SOBP: variants seen among roughly 807,000 people sequenced by gnomAD.
SOBP encodes sine oculis-binding protein homolog.
In SOBP, 4 loss-of-function variants were observed where a neutral mutation model predicts 53.6. That is an observed-to-expected ratio of 0.07 (90% CI 0.04 to 0.17). SOBP has a LOEUF of 0.17. Among genes scored for constraint, SOBP ranks in the 10% least tolerant of loss-of-function variants. The pLI, the probability that SOBP is intolerant of heterozygous loss-of-function variation, is 1.00. For missense variants in SOBP, 1,088 were observed against 1,204.7 expected, an observed-to-expected ratio of 0.90 and a Z score of 1.43; for synonymous variants, 584 against 522.6, an observed-to-expected ratio of 1.12 and a Z score of -1.60.
At chr6:107,639,763 T>C (rs1771227230) in intron 6 of SOBP, among the ~76,000 whole-genome samples, 1 of 152,218 alleles carries the variant, frequency 6.6e-6, no homozygotes, top group Non-Finnish European at 1.5e-5. Flanking sequence ...CATTTGCAAA[T>C]GTTTGAAGAT....
In SOBP at chr6:107,633,708, A is replaced by G; in HGVS notation, c.864A>G (p.Glu288=). Residue 288 remains glutamate, a synonymous_variant, in exon 6 of 7, where the codon GAA becomes GAG. Coordinates refer to ENST00000317357, the MANE Select transcript of SOBP (RefSeq NM_018013.4). ...TLHPPMENKA[E]GTGVQLLTPD... ...ACCCTCCCATGGAAAATAAAGCAGA[A>G]GGCACCGGGGTGCAGCTGCTCACTC... The G allele has an allele frequency of 6.2e-7, 1 of 1,614,224 alleles. No individual in the cohort carries two copies. The highest frequency in any genetic ancestry group is 8.5e-7 in the Non-Finnish European group (1 of 1,180,034).
At position 107,584,118 on chromosome 6, in the gene SOBP, C is replaced by T. The variant is rs531095054; in HGVS notation, c.574-2962C>T. On this transcript the variant is annotated intron_variant, in intron 4 of 6. Transcript: ENST00000317357. ...AGGGCCTCCCCTTGATAGCTGTAGGCACTCTCCTTAGATCGGCAGTTCTCG... is the reference window on the plus strand; with the variant it reads ...AGGGCCTCCCCTTGATAGCTGTAGGTACTCTCCTTAGATCGGCAGTTCTCG... Among the ~76,000 whole-genome samples, 15 of 152,224 alleles carry T rather than the reference C, an allele frequency of 9.9e-5. 1 individual carries two copies. The South Asian group carries it at 2.9e-3, about 29-fold the overall frequency.
chr6:107,542,798 G>A (rs113790101), intron 4 of SOBP, among the ~76,000 whole-genome samples: 56 of 152,024 alleles, frequency 3.7e-4, no homozygotes, highest in African/African-American at 1.3e-3. Flanking sequence ...GGGAGGAAAG[G>A]CACCAGGGAG....
intron 3 of SOBP, among the ~76,000 whole-genome samples, chr6:107,512,253 A>G (rs1783191584): frequency 6.6e-6 from 1 of 152,256 alleles, no homozygotes; most frequent in African/African-American, 2.4e-5. Flanking sequence ...TTTGAAAGAT[A>G]GGTTAATTAA....
At chr6:107,580,086 G>T (rs967901124) in intron 4 of SOBP, among the ~76,000 whole-genome samples, 16 of 152,210 alleles carry the variant, frequency 1.1e-4, no homozygotes, top group Admixed American at 8.5e-4. Flanking sequence ...CGACAAGCAG[G>T]TGAAAGGGAG....
chr6:107,517,562 G>A (rs1183829682), intron 3 of SOBP, among the ~76,000 whole-genome samples: 1 of 152,188 alleles, frequency 6.6e-6, no homozygotes, highest in African/African-American at 2.4e-5. Flanking sequence ...GGGGGTTAGA[G>A]CTTCAACATA....
intron 4 of SOBP, among the ~76,000 whole-genome samples, chr6:107,567,327 C>A (rs767617800): frequency 5.3e-5 from 8 of 152,150 alleles, no homozygotes; most frequent in Non-Finnish European, 8.8e-5. Context: ...TGAAATCTTA[C>A]CTATGGTACT....
chr6:107,500,719 G>T (rs896719217), intron 1 of SOBP, among the ~76,000 whole-genome samples: 3 of 151,466 alleles, frequency 2.0e-5, no homozygotes, highest in Non-Finnish European at 4.4e-5. Flanking sequence ...GACGGATGGG[G>T]TTTCACCATG....
intron 3 of SOBP, chr6:107,510,735 A>G (rs990559417): frequency 2.0e-5 from 3 of 152,288 alleles, no homozygotes; most frequent in African/African-American, 4.8e-5. Context: ...GCTACTGTCA[A>G]TTTTCTAGCT....
chr6:107,633,986 G>C lies in SOBP; in HGVS notation c.1142G>C (p.Arg381Pro). ...GGGCCTCCCCTTGGCGTCCCGCCTC[G>C]GAGCCCTCCCATGGTGATGACCAAC... ...SIGPPLGVPPRSPPMVMTNRG... is the reference protein window; with the variant it reads ...SIGPPLGVPPPSPPMVMTNRG... The change falls in exon 6 of 7, where the codon CGG becomes CCG. Residue 381 changes from arginine to proline, a missense_variant. Physicochemically the swap from Arg to Pro is moderately radical, Grantham distance 103. Around this residue, in one of 6 missense-constraint regions of SOBP, gnomAD observed 211 missense variants for 258.9 expected, o/e 0.82. Coordinates refer to ENST00000317357, the MANE Select transcript of SOBP (RefSeq NM_018013.4). The C allele has an allele frequency of 6.2e-7, 1 of 1,613,930 alleles. No individual in the cohort carries two copies. The highest frequency in any genetic ancestry group is 1.3e-5 in the African/African-American group (1 of 75,040).
At chr6:107,604,657 C>G (rs1449237203) in intron 5 of SOBP, among the ~76,000 whole-genome samples, 1 of 152,146 alleles carries the variant, frequency 6.6e-6, no homozygotes, top group Non-Finnish European at 1.5e-5. Flanking sequence ...GGTCAGGGGA[C>G]AGGCGGGCTC....
At chr6:107,504,276 C>T (rs138681931) in intron 2 of SOBP, among the ~76,000 whole-genome samples, 1 of 152,266 alleles carries the variant, frequency 6.6e-6, no homozygotes, top group East Asian at 1.9e-4. Flanking sequence ...TTTTGCTTGA[C>T]ATTTTCATTC....
At chr6:107,494,275 C>T (rs1782647682) in intron 1 of SOBP, among the ~76,000 whole-genome samples, 1 of 152,136 alleles carries the variant, frequency 6.6e-6, no homozygotes, top group Non-Finnish European at 1.5e-5. Flanking sequence ...ATACTGTTAG[C>T]TCACATATAT....
intron 4 of SOBP, among the ~76,000 whole-genome samples, chr6:107,555,019 C>T (rs1784568792): frequency 6.6e-6 from 1 of 151,898 alleles, no homozygotes; most frequent in South Asian, 2.1e-4. Context: ...ACATTTTTTT[C>T]TCTGCACAGG....
At chr6:107,494,712 T>C (rs1782656967) in intron 1 of SOBP, among the ~76,000 whole-genome samples, 1 of 152,252 alleles carries the variant, frequency 6.6e-6, no homozygotes, top group African/African-American at 2.4e-5. Context: ...GCTTCTTTGC[T>C]GAAGAAGTTT....
chr6:107,538,376 A>C (rs1156250088), intron 4 of SOBP, among the ~76,000 whole-genome samples: 2 of 152,204 alleles, frequency 1.3e-5, no homozygotes, highest in African/African-American at 4.8e-5. Context: ...ATCATTCATG[A>C]AGGCTTGGAG....
rs1283841535 is a variant in SOBP at position 107,635,215 on chromosome 6, A to T, written c.2371A>T (p.Met791Leu). ...GGACGGGGAGGCGGCCAAAAAGCTG[A>T]TGGGCGAGGAGGCCCTGGCGGGGGG... ...HLDGEAAKKL[M>L]GEEALAGGDK... Residue 791 changes from methionine to leucine, a missense_variant, in exon 6 of 7, where the codon ATG becomes TTG. Physicochemically the swap from Met to Leu is conservative, Grantham distance 15. This residue lies in a region of SOBP where 665 missense variants were observed against 629.7 expected (regional missense o/e 1.06). Coordinates refer to ENST00000317357, the MANE Select transcript of SOBP (RefSeq NM_018013.4). This position sits in a 1 kb window ranked among gnomAD's most constrained non-coding sequence, Gnocchi z 4.5. The T allele has an allele frequency of 6.2e-7, 1 of 1,613,742 alleles. No individual in the cohort carries two copies. The highest frequency in any genetic ancestry group is 8.5e-7 in the Non-Finnish European group (1 of 1,179,966).
At chr6:107,513,121 G>A (rs1456737423) in intron 3 of SOBP, among the ~76,000 whole-genome samples, 2 of 152,204 alleles carry the variant, frequency 1.3e-5, no homozygotes, top group Non-Finnish European at 2.9e-5. Context: ...GGCACAGACA[G>A]GTTTGTGTGG....
At chr6:107,553,357 C>G (rs1028339822) in intron 4 of SOBP, among the ~76,000 whole-genome samples, 1 of 148,658 alleles carries the variant, frequency 6.7e-6, no homozygotes, top group Non-Finnish European at 1.5e-5. Flanking sequence ...GAGACAGAGT[C>G]TCACTGTGTC....
Sources: gnomAD v4.1 joint callset for allele counts (sites outside exome capture counted in the v4.1 genomes callset) on GRCh38, gnomAD v4.1.1 for gene constraint, gnomAD v4.1.1 regional missense constraint, Gnocchi (gnomAD v3.1) non-coding constraint, MANE v1.5 for transcripts, NCBI Gene and HGNC (gene_info 2026-07-23, HGNC 2026-07-21) for gene names.